Variants in CCDC178 observed in about 807,000 individuals in gnomAD.
CCDC178 encodes the protein coiled-coil domain containing 178.
A neutral mutation model predicts 117.4 loss-of-function variants in CCDC178; 126 were observed. The ratio of observed to expected loss-of-function variants is 1.07; its 90% CI spans 0.93 to 1.24. CCDC178 has a LOEUF of 1.24. CCDC178 is among the 50% of genes most tolerant of loss of function. CCDC178 has a pLI of 0.00. For missense variants in CCDC178, 1,030 were observed against 986.9 expected (o/e 1.04, Z -0.59); for synonymous variants, 283 against 313.4 (o/e 0.90, Z 1.02).
chr18:33,212,257 G>C (rs767973416), intron 19 of CCDC178, among the ~76,000 whole-genome samples: 5 of 151,936 alleles, frequency 3.3e-5, no homozygotes, highest in Admixed American at 6.6e-5. Context: ...AAAATCTATG[G>C]AAGAACAGTG....
chr18:33,365,559 TTAAG>T (rs1302529319), intron 6 of CCDC178, among the ~76,000 whole-genome samples: 6 of 152,252 alleles, frequency 3.9e-5, no homozygotes, highest in South Asian at 2.1e-4. Flanking sequence ...ATTATGCATA[TTAAG>T]TGTTTAATAA....
chr18:32,965,249 G>A (rs562260033), intron 22 of CCDC178, among the ~76,000 whole-genome samples: 18 of 151,794 alleles, frequency 1.2e-4, no homozygotes, highest in Non-Finnish European at 2.4e-4. Context: ...CATCCTTCTA[G>A]ACCTATTTCT....
chr18:33,008,536 T>A (rs2144790594), intron 21 of CCDC178, among the ~76,000 whole-genome samples: 1 of 152,194 alleles, frequency 6.6e-6, no homozygotes. Flanking sequence ...ATCATTTGTA[T>A]TCGTGTACAA....
chr18:33,099,038 G>A (rs1467863042), intron 20 of CCDC178, among the ~76,000 whole-genome samples: 1 of 151,948 alleles, frequency 6.6e-6, no homozygotes, highest in African/African-American at 2.4e-5. Flanking sequence ...GTATATATCT[G>A]AGCAAATTTG....
chr18:33,174,379 C>A lies in CCDC178; in HGVS notation c.2238+37517G>T, dbSNP rs556408381. Among the ~76,000 whole-genome samples, 10 of 152,236 alleles carry A rather than the reference C, an allele frequency of 6.6e-5. 1 individual carries two copies. The highest frequency in any genetic ancestry group is 2.0e-4 in the Admixed American group (3 of 15,286). ...CCATATCAGAAGTTAAATTAATTGT[C>A]CAAGATCCACCACATTCAAAGTTAA... On this transcript the variant is annotated intron_variant, in intron 20 of 22. Transcript: ENST00000383096.
At chr18:33,071,153 C>T (rs1331908245) in intron 21 of CCDC178, among the ~76,000 whole-genome samples, 2 of 151,982 alleles carry the variant, frequency 1.3e-5, no homozygotes, top group African/African-American at 4.8e-5. Flanking sequence ...GAATTCTTTA[C>T]CACTGCCTTT....
intron 7 of CCDC178, among the ~76,000 whole-genome samples, chr18:33,354,685 A>AAC: frequency 6.7e-6 from 1 of 148,454 alleles, no homozygotes; most frequent in Non-Finnish European, 1.5e-5. Context: ...ATCTTGGCTC[A>AAC]CTGCAACCTC....
chr18:33,367,675 T>C (rs1392818541), intron 6 of CCDC178, among the ~76,000 whole-genome samples: 2 of 151,998 alleles, frequency 1.3e-5, no homozygotes, highest in Non-Finnish European at 2.9e-5. Context: ...GTTCAAATAC[T>C]GCATAGATTT....
intron 21 of CCDC178, among the ~76,000 whole-genome samples, chr18:33,083,766 C>T (rs1257891828): frequency 6.6e-6 from 1 of 152,132 alleles, no homozygotes; most frequent in African/African-American, 2.4e-5. Context: ...AATATTTTCC[C>T]ATAGTTTTAA....
intron 12 of CCDC178, among the ~76,000 whole-genome samples, chr18:33,281,859 T>G (rs1389591410): frequency 6.6e-6 from 1 of 152,204 alleles, no homozygotes; most frequent in East Asian, 1.9e-4. Context: ...TTAGAGATAT[T>G]TATTACAGCT....
At chr18:33,284,241 T>C (rs1406544845) in intron 12 of CCDC178, among the ~76,000 whole-genome samples, 1 of 151,874 alleles carries the variant, frequency 6.6e-6, no homozygotes, top group African/African-American at 2.4e-5. Flanking sequence ...ACAACACACA[T>C]TGGGACCTAT....
chr18:33,270,577 T>G (rs9967106), intron 12 of CCDC178, among the ~76,000 whole-genome samples: 138,180 of 151,520 alleles, frequency 0.91, 63,118 homozygotes, highest in East Asian at 1. Context: ...GAAACAGAAG[T>G]TATATACTAG....
At chr18:33,238,631 T>TAA (rs1045517973) in intron 15 of CCDC178, among the ~76,000 whole-genome samples, 6 of 152,046 alleles carry the variant, frequency 3.9e-5, no homozygotes, top group Admixed American at 3.9e-4. Context: ...ATGACACCAT[T>TAA]AATGGGACAG....
chr18:33,307,802 T>A (rs755294536), intron 11 of CCDC178, among the ~76,000 whole-genome samples: 44 of 152,212 alleles, frequency 2.9e-4, no homozygotes, highest in Admixed American at 7.8e-4. Flanking sequence ...AAGCTCAGAA[T>A]GTTGCTTCAG....
At chr18:33,424,830 C>G (rs1361250612) in intron 2 of CCDC178, among the ~76,000 whole-genome samples, 1 of 152,180 alleles carries the variant, frequency 6.6e-6, no homozygotes, top group African/African-American at 2.4e-5. Context: ...GATGAGAGAG[C>G]TGCTGAATTA....
chr18:33,160,461 A>T (rs2058449420), intron 20 of CCDC178, among the ~76,000 whole-genome samples: 1 of 152,136 alleles, frequency 6.6e-6, no homozygotes, highest in South Asian at 2.1e-4. Context: ...TTTATATTCA[A>T]GTATTCACAT....
intron 9 of CCDC178, among the ~76,000 whole-genome samples, chr18:33,343,495 T>C (rs1225351783): frequency 1.3e-5 from 2 of 152,192 alleles, no homozygotes; most frequent in African/African-American, 4.8e-5. Context: ...AGTGACCAGA[T>C]GGAGAGTGGG....
intron 21 of CCDC178, among the ~76,000 whole-genome samples, chr18:33,090,718 G>T (rs993468734): frequency 6.6e-6 from 1 of 152,052 alleles, no homozygotes; most frequent in Non-Finnish European, 1.5e-5. Flanking sequence ...GACCTCCATC[G>T]CTGAAGGATG....
intron 16 of CCDC178, among the ~76,000 whole-genome samples, chr18:33,225,699 C>A: frequency 6.6e-6 from 1 of 152,146 alleles, no homozygotes. Flanking sequence ...TCCAGTTAGA[C>A]ACTTAGAAAT....
Sources: allele counts gnomAD v4.1 joint callset (sites outside exome capture counted in the v4.1 genomes callset), GRCh38; gene constraint gnomAD v4.1.1; transcripts MANE v1.5; gene names NCBI Gene and HGNC (gene_info 2026-07-23, HGNC 2026-07-21).